The following GALNT18 variants were observed in gnomAD, a reference collection of about 807,000 sequenced individuals.
GALNT18 encodes GalNAc-transferase 18.
Under a neutral mutation model 69.5 loss-of-function variants are expected in GALNT18, and 44 were observed. The observed-to-expected ratio is 0.63, with a 90% CI of 0.50 to 0.81. The LOEUF (loss-of-function observed/expected upper bound fraction) is 0.81, where lower values mean the gene tolerates loss of function less well. GALNT18 is among the 40% of genes least tolerant of loss of function. The pLI, the probability that GALNT18 is intolerant of heterozygous loss-of-function variation, is 0.00. For missense variants in GALNT18, 715 were observed against 810.0 expected, an observed-to-expected ratio of 0.88 and a Z score of 1.42; for synonymous variants, 364 against 318.2, an observed-to-expected ratio of 1.14 and a Z score of -1.53.
rs182682145 is a variant in GALNT18, at chr11:11,531,923, C to T, written c.236-82987G>A. Among the ~76,000 whole-genome samples, 8 of 152,280 alleles carry T rather than the reference C, an allele frequency of 5.3e-5. No individual in the cohort carries two copies. The East Asian group carries it at 5.8e-4, about 11-fold the overall frequency. ...TGTATGTGTTTTATGTATGGATGCACGTGTGTGTGAGTGCAGGTACTATAC... is the reference window on the plus strand; with the variant it reads ...TGTATGTGTTTTATGTATGGATGCATGTGTGTGTGAGTGCAGGTACTATAC... On this transcript the variant is annotated intron_variant, in intron 1 of 10. Coordinates refer to ENST00000227756, the MANE Select transcript of GALNT18 (RefSeq NM_198516.3).
intron 10 of GALNT18, among the ~76,000 whole-genome samples, chr11:11,276,694 T>C (rs1016709873): frequency 1.3e-5 from 2 of 152,210 alleles, no homozygotes; most frequent in African/African-American, 4.8e-5. Flanking sequence ...CATCGATACC[T>C]AGTTTATTGA....
At chr11:11,305,694 T>C (rs891402029) in intron 9 of GALNT18, among the ~76,000 whole-genome samples, 1 of 152,114 alleles carries the variant, frequency 6.6e-6, no homozygotes, top group Non-Finnish European at 1.5e-5. Flanking sequence ...CAGAATTACA[T>C]AGAAGGATTT....
In GALNT18 at chr11:11,387,335, T is replaced by C. The variant is rs926693846; in HGVS notation, c.596-8071A>G. ...GAGGCCACGGCTTTTTGTCCCATTG[T>C]GGCCACACCCCTCCTTCCTGGCTCA... On this transcript the variant is annotated intron_variant, in intron 3 of 10. Transcript: ENST00000227756. This position sits in a 1 kb window ranked among gnomAD's most constrained non-coding sequence, Gnocchi z 4.6. Among the ~76,000 whole-genome samples, 2 of 152,112 alleles carry C rather than the reference T, an allele frequency of 1.3e-5. No individual in the cohort carries two copies. The highest frequency in any genetic ancestry group is 4.8e-5 in the African/African-American group (2 of 41,420).
rs566897481 is a variant in GALNT18 at position 11,395,126 on chromosome 11, T to C, written c.596-15862A>G. On this transcript the variant is annotated intron_variant, in intron 3 of 10. Transcript: ENST00000227756. ...TGGATGACACAGTGCCAGGCACCCA[T>C]CTTTAAGTAAGGTTCAGGCCCTGTC... 7.4e-4 allele frequency among the ~76,000 whole-genome samples: 112 copies of C among 152,346 alleles called. No homozygotes were observed. The South Asian group carries it at 0.022, about 29-fold the overall frequency.
At position 11,402,156 on chromosome 11, in the gene GALNT18, C is replaced by T. The variant is rs1244374555; in HGVS notation, c.596-22892G>A. On this transcript the variant is annotated intron_variant, in intron 3 of 10. Transcript: ENST00000227756. This position sits in a 1 kb window ranked among gnomAD's most constrained non-coding sequence, Gnocchi z 4.0. ...ACATAAAGGCAGAAAGGCTAGAAAG[C>T]AAATAGGCACCAGAAGAATCATGCA... is the stretch of plus-strand genomic sequence containing the variant. Among the ~76,000 whole-genome samples, 2 of 152,220 alleles carry T rather than the reference C, an allele frequency of 1.3e-5. No homozygotes were observed. The highest frequency in any genetic ancestry group is 2.4e-5 in the African/African-American group (1 of 41,450).
rs75057318 is a variant in GALNT18, at chr11:11,613,669, T to G, written c.235+7690A>C. 0.11 allele frequency among the ~76,000 whole-genome samples: 17,383 copies of G among 152,194 alleles called. 1,355 individuals are homozygous for G. Among genetic ancestry groups the G allele is most frequent in the Middle Eastern group, 0.17 (50 of 290 alleles). ...GGCAAGTGAGATTCAATAACAATTGTAGGAGCCATGAAATGACCACATCCC... is the reference window on the plus strand; with the variant it reads ...GGCAAGTGAGATTCAATAACAATTGGAGGAGCCATGAAATGACCACATCCC... On this transcript the variant is annotated intron_variant, in intron 1 of 10. Coordinates refer to ENST00000227756, the MANE Select transcript of GALNT18 (RefSeq NM_198516.3). This position sits in a 1 kb window ranked among gnomAD's most constrained non-coding sequence, Gnocchi z 4.2.
At chr11:11,281,963 C>A (rs538686122) in intron 10 of GALNT18, among the ~76,000 whole-genome samples, 2 of 152,138 alleles carry the variant, frequency 1.3e-5, no homozygotes, top group South Asian at 4.1e-4. Flanking sequence ...GGTGGGGCAT[C>A]GCTGAGCAGA....
At position 11,555,582 on chromosome 11, in the gene GALNT18, C is replaced by A. The variant is rs182909851; in HGVS notation, c.235+65777G>T. ...CTCCAGAACTATGAGAGAATAAATT[C>A]CTGTTGTTTTAAGCCACCCACTTTA... is the stretch of plus-strand genomic sequence containing the variant. On this transcript the variant is annotated intron_variant, in intron 1 of 10. Coordinates refer to ENST00000227756, the MANE Select transcript of GALNT18 (RefSeq NM_198516.3). The surrounding 1 kb of genome is among the most constrained non-coding windows in gnomAD (Gnocchi z 4.7). 2.6e-5 allele frequency among the ~76,000 whole-genome samples: 4 copies of A among 152,284 alleles called. No individual in the cohort carries two copies. The highest frequency in any genetic ancestry group is 6.5e-5 in the Admixed American group (1 of 15,294).
intron 1 of GALNT18, among the ~76,000 whole-genome samples, chr11:11,515,241 C>T (rs1443903345): frequency 6.6e-6 from 1 of 151,424 alleles, no homozygotes; most frequent in Non-Finnish European, 1.5e-5. Context: ...ATGACCCGTA[C>T]TCAGTAAATG....
intron 3 of GALNT18, 38 bp from the exon 4 acceptor site, chr11:11,379,302 G>T (rs765742916): frequency 6.3e-7 from 1 of 1,582,622 alleles, no homozygotes. Context: ...ATGGGAGGGA[G>T]GTCAGGAGGC....
At chr11:11,274,081 G>A (rs1356535402) in intron 10 of GALNT18, among the ~76,000 whole-genome samples, 1 of 152,136 alleles carries the variant, frequency 6.6e-6, no homozygotes, top group Non-Finnish European at 1.5e-5. Context: ...AGTGCAAGGG[G>A]TTGGGGGATC....
At chr11:11,615,471 C>T (rs1036526738) in intron 1 of GALNT18, among the ~76,000 whole-genome samples, 3 of 152,134 alleles carry the variant, frequency 2.0e-5, no homozygotes, top group African/African-American at 4.8e-5. Flanking sequence ...AAATTAGTCA[C>T]ATAATGTAAT....
chr11:11,432,729 C>T lies in GALNT18; in HGVS notation c.487G>A (p.Val163Ile), dbSNP rs201370216. The T allele has an allele frequency of 2.2e-4, 356 of 1,614,028 alleles. 7 individuals are homozygous for T. In the Admixed American group the frequency reaches 5.0e-3, roughly 23 times the overall value. Residue 163 changes from valine to isoleucine, a missense_variant, in exon 3 of 11, where the codon GTC (valine) becomes ATC (isoleucine). Coordinates refer to ENST00000227756, the MANE Select transcript of GALNT18 (RefSeq NM_198516.3). This position sits in a 1 kb window ranked among gnomAD's most constrained non-coding sequence, Gnocchi z 5.8. ...AGCAGCACTGAAAGCGCTTCATTGACGAAGATGAACACGATGCTCACCTCT... is the reference window on the plus strand; with the variant it reads ...AGCAGCACTGAAAGCGCTTCATTGATGAAGATGAACACGATGCTCACCTCT... The part of the protein sequence containing the change: ...LPEVSIVFIF[V>I]NEALSVLLRS...
At chr11:11,370,449 G>C (rs956375624) in intron 6 of GALNT18, among the ~76,000 whole-genome samples, 3 of 152,208 alleles carry the variant, frequency 2.0e-5, no homozygotes, top group Admixed American at 6.5e-5. Context: ...AGGGGGAACT[G>C]AAATTCAAAT....
At chr11:11,283,327 A>G (rs1327825552) in intron 10 of GALNT18, among the ~76,000 whole-genome samples, 2 of 152,098 alleles carry the variant, frequency 1.3e-5, no homozygotes, top group Non-Finnish European at 2.9e-5. Context: ...TTGTATTTTT[A>G]GGAGAGATGG....
intron 1 of GALNT18, among the ~76,000 whole-genome samples, chr11:11,462,274 C>CTT (rs1391768740): frequency 9.5e-5 from 13 of 137,448 alleles, no homozygotes; most frequent in East Asian, 2.1e-4. Flanking sequence ...AAAGTCTTTT[C>CTT]TTTTTTTTTT....
intron 9 of GALNT18, among the ~76,000 whole-genome samples, chr11:11,299,898 G>T (rs1849464781): frequency 6.6e-6 from 1 of 152,176 alleles, no homozygotes; most frequent in South Asian, 2.1e-4. Context: ...TACAATTTAT[G>T]TATTTTTCAA....
At chr11:11,424,401 C>T (rs1292537298) in intron 3 of GALNT18, among the ~76,000 whole-genome samples, 2 of 152,208 alleles carry the variant, frequency 1.3e-5, no homozygotes, top group African/African-American at 4.8e-5. Flanking sequence ...CTAGCACTTC[C>T]TGGCTATGTG....
chr11:11,550,461 C>G (rs144982305), intron 1 of GALNT18, among the ~76,000 whole-genome samples: 1 of 152,178 alleles, frequency 6.6e-6, no homozygotes, highest in Non-Finnish European at 1.5e-5. Flanking sequence ...CTGTGTAACC[C>G]CCATCCTCAT....
Sources: gnomAD v4.1 joint callset for allele counts (sites outside exome capture counted in the v4.1 genomes callset) on GRCh38, gnomAD v4.1.1 for gene constraint, Gnocchi (gnomAD v3.1) non-coding constraint, MANE v1.5 for transcripts, NCBI Gene and HGNC (gene_info 2026-07-23, HGNC 2026-07-21) for gene names.